FAM217A: variants seen among roughly 807,000 people sequenced by gnomAD.
FAM217A encodes family with sequence similarity 217 member A.
A neutral mutation model predicts 18.5 loss-of-function variants in FAM217A; 13 were observed. That is an observed-to-expected ratio of 0.70 (90% CI 0.46 to 1.12). The LOEUF is 1.12. Ranked by LOEUF, FAM217A falls within the 50% of genes most tolerant of loss-of-function variation. FAM217A has a pLI of 0.00. For synonymous variants in FAM217A, 161 were observed against 202.8 expected, an observed-to-expected ratio of 0.79 and a Z score of 1.75; for missense variants, 560 against 575.4, an observed-to-expected ratio of 0.97 and a Z score of 0.27.
In FAM217A at chr6:4,073,315, A is replaced by G. The variant is rs766936052; in HGVS notation, c.262T>C (p.Trp88Arg). ...QNSKQGIFQL[W>R]NCPLNEGSTI... ...CTTCCTTCATTAAGAGGACAATTCCATAATTGAAAGATCCCTTGTTTACTA... is the reference window on the plus strand; with the variant it reads ...CTTCCTTCATTAAGAGGACAATTCCGTAATTGAAAGATCCCTTGTTTACTA... Residue 88 changes from tryptophan to arginine, a missense_variant, in exon 6 of 7, where the codon TGG becomes CGG. Trp to Arg is a moderately radical substitution (Grantham distance 101, BLOSUM62 -3). Transcript: ENST00000274673. 3 of 1,610,300 alleles carry G rather than the reference A, an allele frequency of 1.9e-6. No individual in the cohort carries two copies. Among genetic ancestry groups the G allele is most frequent in the South Asian group, 1.1e-5 (1 of 90,230 alleles).
upstream of FAM217A, among the ~76,000 whole-genome samples, chr6:4,083,709 G>A (rs918377998): frequency 1.3e-5 from 2 of 151,862 alleles, no homozygotes; most frequent in Non-Finnish European, 2.9e-5. Flanking sequence ...ATGCCACCAC[G>A]CCTGGCTAAT....
intron 4 of FAM217A, 143 bp from the exon 5 acceptor site, chr6:4,073,650 T>C: frequency 1.6e-6 from 1 of 619,566 alleles, no homozygotes; most frequent in East Asian, 3.1e-5. Context: ...ATCATTTGTT[T>C]TTACTGATTT....
intron 1 of FAM217A, among the ~76,000 whole-genome samples, chr6:4,085,677 C>T (rs910459809): frequency 6.6e-6 from 1 of 152,146 alleles, no homozygotes; most frequent in Non-Finnish European, 1.5e-5. Context: ...TTCTCCCCAC[C>T]AAAAACACCT....
rs1769559761 is a variant in FAM217A at position 4,073,517 on chromosome 6, A to AT, written c.160-11_160-10insA. 1 of 1,609,166 alleles carries AT rather than the reference A, an allele frequency of 6.2e-7. No individual in the cohort carries two copies. ...GAATTTCCAAATAGTTCTATAAGGC[A>AT]GCAGAAGACTTTTAAACATAATATA... On this transcript the variant is annotated splice_polypyrimidine_tract_variant and intron_variant, in intron 4 of 6. Transcript: ENST00000274673.
At position 4,073,345 on chromosome 6, in the gene FAM217A, G is replaced by A. The variant is rs370024351; in HGVS notation, c.235-3C>T. The A allele has an allele frequency of 4.4e-6, 7 of 1,606,510 alleles. No homozygotes were observed. Among genetic ancestry groups the A allele is most frequent in the Admixed American group, 1.7e-5 (1 of 59,466 alleles). On this transcript the variant is annotated splice_polypyrimidine_tract_variant and splice_region_variant and intron_variant, in intron 5 of 6. Coordinates refer to ENST00000274673, the MANE Select transcript of FAM217A (RefSeq NM_173563.3). Reference sequence around the variant, plus strand: ...TGAAAGATCCCTTGTTTACTATTCTGATGACAGAAAAATAATGGGTAATAG... The same window carrying A: ...TGAAAGATCCCTTGTTTACTATTCTAATGACAGAAAAATAATGGGTAATAG...
rs1471243176 is a variant in FAM217A at position 4,074,558 on chromosome 6, C to T, written c.145+19G>A. On this transcript the variant is annotated intron_variant, in intron 3 of 6. Coordinates refer to ENST00000274673, the MANE Select transcript of FAM217A (RefSeq NM_173563.3). ...GAGTGATTCTTTCAGTATAAGTATA[C>T]ACATCTAGGATTTCTTACCACCTGC... 7 of 1,599,698 alleles carry T rather than the reference C, an allele frequency of 4.4e-6. No homozygotes were observed. Among genetic ancestry groups the T allele is most frequent in the South Asian group, 1.1e-5 (1 of 90,682 alleles).
intron 1 of FAM217A, among the ~76,000 whole-genome samples, chr6:4,085,328 A>ATATAT (rs1770589407): frequency 6.7e-6 from 1 of 149,462 alleles, no homozygotes; most frequent in Admixed American, 6.7e-5. Context: ...ATATATATAT[A>ATATAT]AAATATGTAA....
At chr6:4,079,972 C>T (rs1581898034), upstream of FAM217A, among the ~76,000 whole-genome samples, 2 of 91,300 alleles carry the variant, frequency 2.2e-5, no homozygotes, top group Non-Finnish European at 4.0e-5. Context: ...GGAAGAATCT[C>T]TCTCTATCTA....
At chr6:4,084,696 T>G (rs1213036655) in exon 2 of FAM217A, 4 of 703,044 alleles carry the variant, frequency 5.7e-6, no homozygotes, top group Non-Finnish European at 1.0e-5. Context: ...AACTTGGAGC[T>G]AATCTTCTCT....
intron 2 of FAM217A, among the ~76,000 whole-genome samples, chr6:4,077,148 TG>T (rs1769861089): frequency 6.6e-6 from 1 of 152,226 alleles, no homozygotes; most frequent in South Asian, 2.1e-4. Context: ...GTTTGACATT[TG>T]GAGAAGAGCT....
chr6:4,080,211 C>G (rs910083272), upstream of FAM217A, among the ~76,000 whole-genome samples: 2 of 152,178 alleles, frequency 1.3e-5, no homozygotes, highest in Admixed American at 6.5e-5. Flanking sequence ...ACTCCTGACT[C>G]TTTCCTCTGC....
upstream of FAM217A, chr6:4,079,194 C>T: frequency 3.3e-6 from 1 of 300,452 alleles, no homozygotes; most frequent in South Asian, 1.6e-4. Flanking sequence ...GCCCGGCGTT[C>T]CACAAGGTCC....
intron 1 of FAM217A, among the ~76,000 whole-genome samples, chr6:4,086,140 A>G (rs1433961282): frequency 6.6e-6 from 1 of 151,882 alleles, no homozygotes; most frequent in East Asian, 1.9e-4. Context: ...GGAAGGGAAA[A>G]AAGGAAAAAA....
intron 3 of FAM217A, 50 bp downstream of exon 3, chr6:4,074,527 T>G (rs1272978172): frequency 6.3e-7 from 1 of 1,575,988 alleles, no homozygotes; most frequent in African/African-American, 1.4e-5. Flanking sequence ...AACCCCCTTT[T>G]AATATGAGTG....
At position 4,072,117 on chromosome 6, in the gene FAM217A, T is replaced by C. The variant is rs1256871248; in HGVS notation, c.302+1158A>G. Among the ~76,000 whole-genome samples, 3 of 151,796 alleles carry C rather than the reference T, an allele frequency of 2.0e-5. No individual in the cohort carries two copies. The East Asian group carries it at 5.8e-4, about 29-fold the overall frequency. On this transcript the variant is annotated intron_variant, in intron 6 of 6. Coordinates refer to ENST00000274673, the MANE Select transcript of FAM217A (RefSeq NM_173563.3). ...CAGCACTTTGGGAGGACGAGGTGGG[T>C]GAATCACAAGGTCAGGAGTTCAAGA...
intron 1 of FAM217A, among the ~76,000 whole-genome samples, chr6:4,078,286 T>C (rs1769994196): frequency 6.6e-6 from 1 of 152,004 alleles, no homozygotes; most frequent in Admixed American, 6.6e-5. Flanking sequence ...ACTCCTGACC[T>C]CGTGATCCAC....
At chr6:4,083,701 G>A (rs1770456849), upstream of FAM217A, among the ~76,000 whole-genome samples, 1 of 151,978 alleles carries the variant, frequency 6.6e-6, no homozygotes, top group Non-Finnish European at 1.5e-5. Context: ...ACAGGCGCAT[G>A]CCACCACGCC....
At chr6:4,087,257 C>A, upstream of FAM217A, 1 of 1,188,062 alleles carries the variant, frequency 8.4e-7, no homozygotes, top group Non-Finnish European at 1.1e-6. Context: ...TGGTCCATGT[C>A]CAGACGCAAG....
chr6:4,072,799 A>G (rs1042617127), intron 6 of FAM217A, among the ~76,000 whole-genome samples: 2 of 151,858 alleles, frequency 1.3e-5, no homozygotes, highest in African/African-American at 4.8e-5. Context: ...CTGAGAGGCT[A>G]CTTTCATATC....
Sources: allele counts gnomAD v4.1 joint callset (sites outside exome capture counted in the v4.1 genomes callset), GRCh38; gene constraint gnomAD v4.1.1; transcripts MANE v1.5; gene names NCBI Gene and HGNC (gene_info 2026-07-23, HGNC 2026-07-21).